Variants in FAM227B observed in about 807,000 individuals in gnomAD.
The protein encoded by FAM227B is protein FAM227B.
A neutral mutation model predicts 73.8 loss-of-function variants in FAM227B; 88 were observed. That is an observed-to-expected ratio of 1.19 (90% confidence interval 1.00 to 1.42). The LOEUF is 1.42. Ranked by LOEUF, FAM227B falls within the 40% of genes most tolerant of loss-of-function variation. The probability of loss-of-function intolerance (pLI) is 0.00; values close to 1 mark genes in which losing one functional copy is unlikely to be tolerated. For synonymous variants in FAM227B, 210 were observed against 190.5 expected, an observed-to-expected ratio of 1.10 and a Z score of -0.84; for missense variants, 632 against 590.9, an observed-to-expected ratio of 1.07 and a Z score of -0.72.
At chr15:49,527,760 T>G (rs1335608746) in intron 10 of FAM227B, among the ~76,000 whole-genome samples, 1 of 151,406 alleles carries the variant, frequency 6.6e-6, no homozygotes, top group African/African-American at 2.4e-5. Context: ...AACAGACATA[T>G]ACACAAAAAT....
At chr15:49,507,819 A>G (rs1051750732) in intron 11 of FAM227B, among the ~76,000 whole-genome samples, 3 of 152,098 alleles carry the variant, frequency 2.0e-5, no homozygotes, top group African/African-American at 7.2e-5. Context: ...AGAAAAATAC[A>G]GGTAGGTATT....
At chr15:49,397,045 C>T (rs1340854595) in intron 11 of FAM227B, among the ~76,000 whole-genome samples, 1 of 152,104 alleles carries the variant, frequency 6.6e-6, no homozygotes, top group Non-Finnish European at 1.5e-5. Flanking sequence ...GATCAAATTA[C>T]TCTGAGCTAC....
At chr15:49,367,147 A>C (rs867657975) in intron 13 of FAM227B, among the ~76,000 whole-genome samples, 1 of 152,214 alleles carries the variant, frequency 6.6e-6, no homozygotes, top group East Asian at 1.9e-4. Context: ...GTTTGAAACC[A>C]GTCACTGAAC....
intron 11 of FAM227B, among the ~76,000 whole-genome samples, chr15:49,433,805 G>A (rs950230806): frequency 2.2e-4 from 33 of 151,654 alleles, no homozygotes; most frequent in African/African-American, 8.0e-4. Flanking sequence ...CTGACTGCCA[G>A]CTAATCCATG....
At chr15:49,564,374 G>T (rs62021586) in intron 9 of FAM227B, among the ~76,000 whole-genome samples, 42,011 of 151,994 alleles carry the variant, frequency 0.28, 6,030 homozygotes, top group East Asian at 0.38. Flanking sequence ...GAATGCTTAT[G>T]CACTGTTGGT....
chr15:49,366,338 T>C (rs879093403), intron 13 of FAM227B: 31 of 787,106 alleles, frequency 3.9e-5, no homozygotes, highest in East Asian at 7.3e-5. Flanking sequence ...GATACTGTTA[T>C]TGACAACCAA....
chr15:49,402,155 C>A (rs924497313), intron 11 of FAM227B, among the ~76,000 whole-genome samples: 3 of 152,080 alleles, frequency 2.0e-5, no homozygotes, highest in African/African-American at 7.2e-5. Context: ...CTCTATAGTT[C>A]TTTTGTATAC....
In FAM227B at chr15:49,577,952, A is replaced by G. The variant is rs78148430; in HGVS notation, c.406-288T>C. On this transcript the variant is annotated intron_variant, in intron 5 of 15. Transcript: ENST00000299338. ...CTTATTACAGTTTGGTTCCCTGGGA[A>G]ATAGACTCTCTGGGGAAGTTTAGTG... Among the ~76,000 whole-genome samples the G allele has an allele frequency of 5.6e-3, 850 of 152,330 alleles. 12 individuals are homozygous for G. The highest frequency in any genetic ancestry group is 4.3e-3 in the Non-Finnish European group (290 of 68,036).
chr15:49,354,499 A>C (rs1347568566), intron 13 of FAM227B, among the ~76,000 whole-genome samples: 1 of 152,198 alleles, frequency 6.6e-6, no homozygotes, highest in Non-Finnish European at 1.5e-5. Context: ...GGCACCTGGA[A>C]AATCGTGTCA....
chr15:49,376,849 T>G (rs1161741306), intron 11 of FAM227B, among the ~76,000 whole-genome samples: 1 of 152,092 alleles, frequency 6.6e-6, no homozygotes, highest in Non-Finnish European at 1.5e-5. Flanking sequence ...TATTCCTAAG[T>G]ATCTTATTTG....
At chr15:49,558,505 C>T (rs2073954325) in intron 9 of FAM227B, among the ~76,000 whole-genome samples, 1 of 152,142 alleles carries the variant, frequency 6.6e-6, no homozygotes, top group Non-Finnish European at 1.5e-5. Context: ...CCACCCTTAC[C>T]CTACTTGAAC....
At chr15:49,479,440 T>C (rs1044876346) in intron 11 of FAM227B, among the ~76,000 whole-genome samples, 8 of 152,138 alleles carry the variant, frequency 5.3e-5, no homozygotes, top group Non-Finnish European at 7.4e-5. Context: ...ATTTGTTTTA[T>C]GTGAGGCAAC....
At chr15:49,544,277 C>T (rs2071501894) in intron 9 of FAM227B, among the ~76,000 whole-genome samples, 2 of 151,850 alleles carry the variant, frequency 1.3e-5, no homozygotes, top group Admixed American at 6.6e-5. Flanking sequence ...TGTTGTAAAA[C>T]GGACTGAGTT....
At chr15:49,563,455 T>C (rs2074410642) in intron 9 of FAM227B, among the ~76,000 whole-genome samples, 1 of 152,124 alleles carries the variant, frequency 6.6e-6, no homozygotes, top group Non-Finnish European at 1.5e-5. Context: ...CCTATCAAAC[T>C]ACCAATACTA....
intron 12 of FAM227B, among the ~76,000 whole-genome samples, chr15:49,370,839 T>C (rs956946514): frequency 1.3e-5 from 2 of 152,202 alleles, no homozygotes; most frequent in African/African-American, 4.8e-5. Context: ...CCTTCAAGAA[T>C]GTCGAGAAAC....
rs575333596 is a variant in FAM227B, at chr15:49,503,741, A to G, written c.1012+4470T>C. ...CCACAATGAGATACCATCTCACACC[A>G]GTTAGAATGGTGATCATTAAAAAGT... is the stretch of plus-strand genomic sequence containing the variant. On this transcript the variant is annotated intron_variant, in intron 11 of 15. Transcript: ENST00000299338. 3.9e-5 allele frequency among the ~76,000 whole-genome samples: 6 copies of G among 152,328 alleles called. No individual in the cohort carries two copies. The East Asian group carries it at 1.2e-3, about 29-fold the overall frequency.
intron 5 of FAM227B, among the ~76,000 whole-genome samples, chr15:49,581,283 C>G (rs1473852101): frequency 1.3e-5 from 2 of 150,894 alleles, no homozygotes; most frequent in African/African-American, 4.9e-5. Flanking sequence ...GACCTTTCAG[C>G]AAAAATCCTA....
intron 11 of FAM227B, among the ~76,000 whole-genome samples, chr15:49,491,087 TTG>T (rs2057048107): frequency 6.6e-6 from 1 of 151,970 alleles, no homozygotes; most frequent in Non-Finnish European, 1.5e-5. Context: ...GCTCTTATTC[TTG>T]TCTCTCCTTC....
intron 11 of FAM227B, among the ~76,000 whole-genome samples, chr15:49,450,008 A>C (rs1302012785): frequency 6.6e-6 from 1 of 152,130 alleles, no homozygotes; most frequent in Non-Finnish European, 1.5e-5. Flanking sequence ...CATTCATACA[A>C]ATGTGGTTGC....
Sources: gnomAD v4.1 joint callset for allele counts (sites outside exome capture counted in the v4.1 genomes callset) on GRCh38, gnomAD v4.1.1 for gene constraint, MANE v1.5 for transcripts, NCBI Gene and HGNC (gene_info 2026-07-23, HGNC 2026-07-21) for gene names.